GRIA1: variants seen among roughly 807,000 people sequenced by gnomAD.
GRIA1 encodes the protein glutamate receptor 1.
GRIA1 carries 31 observed loss-of-function variants against 99.2 expected under a neutral mutation model. The ratio of observed to expected loss-of-function variants is 0.31; its 90% CI spans 0.23 to 0.42. The LOEUF (loss-of-function observed/expected upper bound fraction) is 0.42, where lower values mean the gene tolerates loss of function less well. GRIA1 is among the 10% of genes least tolerant of loss of function. The probability of loss-of-function intolerance (pLI) is 1.00; values close to 1 mark genes in which losing one functional copy is unlikely to be tolerated. For missense variants in GRIA1, 782 were observed against 1,157.5 expected (o/e 0.68, Z 4.71); for synonymous variants, 438 against 432.4 (o/e 1.01, Z -0.16).
intron 8 of GRIA1, among the ~76,000 whole-genome samples, chr5:153,690,976 G>A (rs996769773): frequency 1.3e-5 from 2 of 152,160 alleles, no homozygotes; most frequent in African/African-American, 4.8e-5. Flanking sequence ...ACCTGATTGT[G>A]TATAGTAAAA....
intron 2 of GRIA1, among the ~76,000 whole-genome samples, chr5:153,618,704 A>G (rs1386524726): frequency 2.6e-5 from 4 of 152,202 alleles, no homozygotes; most frequent in Non-Finnish European, 1.5e-5. Flanking sequence ...TTAACTAGGA[A>G]CCAGTTATTC....
chr5:153,712,467 A>G (rs1320286241), intron 11 of GRIA1, among the ~76,000 whole-genome samples: 1 of 152,216 alleles, frequency 6.6e-6, no homozygotes, highest in Admixed American at 6.5e-5. Flanking sequence ...CATAGTAACC[A>G]GTATGCCTTT....
chr5:153,605,504 T>C (rs1394002532), intron 2 of GRIA1, among the ~76,000 whole-genome samples: 1 of 152,240 alleles, frequency 6.6e-6, no homozygotes, highest in Admixed American at 6.5e-5. Flanking sequence ...ATATTTTTTG[T>C]TGGATATAAA....
At chr5:153,740,533 T>C (rs750772130) in intron 11 of GRIA1, among the ~76,000 whole-genome samples, 18 of 152,224 alleles carry the variant, frequency 1.2e-4, no homozygotes, top group Non-Finnish European at 1.5e-4. Flanking sequence ...GGCCAACCAC[T>C]ATCTTTTCTG....
chr5:153,648,858 T>C (rs187110463), intron 3 of GRIA1, among the ~76,000 whole-genome samples: 1 of 150,406 alleles, frequency 6.6e-6, no homozygotes, highest in East Asian at 1.9e-4. Flanking sequence ...AAGATGTTCA[T>C]GTTGCAATCG....
chr5:153,700,376 ACT>A (rs967583726), intron 10 of GRIA1, among the ~76,000 whole-genome samples: 10 of 152,298 alleles, frequency 6.6e-5, no homozygotes, highest in African/African-American at 2.4e-4. Context: ...CAAGAGCGAA[ACT>A]CTGTCTCAAA....
intron 2 of GRIA1, among the ~76,000 whole-genome samples, chr5:153,629,632 G>A (rs1399543933): frequency 3.3e-5 from 5 of 152,214 alleles, no homozygotes; most frequent in Admixed American, 2.0e-4. Flanking sequence ...ATGCACACAC[G>A]CATTTATGCA....
intron 13 of GRIA1, among the ~76,000 whole-genome samples, chr5:153,773,477 G>A (rs1483622170): frequency 6.6e-6 from 1 of 152,164 alleles, no homozygotes; most frequent in Non-Finnish European, 1.5e-5. Flanking sequence ...TCACCACTCT[G>A]AAGGCAAAAG....
intron 2 of GRIA1, among the ~76,000 whole-genome samples, chr5:153,582,020 A>G (rs1355255461): frequency 6.6e-6 from 1 of 152,186 alleles, no homozygotes; most frequent in Non-Finnish European, 1.5e-5. Context: ...AACCTCCCAA[A>G]GTGCTGGGAT....
intron 2 of GRIA1, among the ~76,000 whole-genome samples, chr5:153,602,976 G>A (rs1364115251): frequency 1.3e-5 from 2 of 152,002 alleles, no homozygotes; most frequent in Non-Finnish European, 2.9e-5. Context: ...CTTATACCAT[G>A]GGTCCCAGGG....
intron 8 of GRIA1, among the ~76,000 whole-genome samples, chr5:153,687,002 C>A (rs528965141): frequency 4.6e-5 from 7 of 152,096 alleles, no homozygotes; most frequent in African/African-American, 1.2e-4. Flanking sequence ...CATCATTGAG[C>A]CTTCATACAT....
chr5:153,704,521 C>T (rs1192508362), intron 10 of GRIA1, among the ~76,000 whole-genome samples: 1 of 152,188 alleles, frequency 6.6e-6, no homozygotes, highest in Admixed American at 6.5e-5. Flanking sequence ...ATGAATATTT[C>T]TTGCAACCTT....
chr5:153,735,556 T>A (rs1761325789), intron 11 of GRIA1, among the ~76,000 whole-genome samples: 2 of 152,166 alleles, frequency 1.3e-5, no homozygotes, highest in Non-Finnish European at 1.5e-5. Flanking sequence ...TGTCTGCTTG[T>A]GGATTTCATT....
intron 2 of GRIA1, among the ~76,000 whole-genome samples, chr5:153,554,874 A>T (rs1251814712): frequency 6.6e-6 from 1 of 152,202 alleles, no homozygotes; most frequent in Admixed American, 6.5e-5. Context: ...TATGATATAA[A>T]GGTAAATGTC....
At chr5:153,724,214 A>G (rs1288403631) in intron 11 of GRIA1, among the ~76,000 whole-genome samples, 1 of 152,196 alleles carries the variant, frequency 6.6e-6, no homozygotes, top group Non-Finnish European at 1.5e-5. Flanking sequence ...ACTAACAAAC[A>G]GAAAGGACAT....
At position 153,543,413 on chromosome 5, in the gene GRIA1, A is replaced by G. The variant is rs116627824; in HGVS notation, c.220+49348A>G. Among the ~76,000 whole-genome samples, 269 of 152,336 alleles carry G rather than the reference A, an allele frequency of 1.8e-3. 4 individuals are homozygous for G. Among genetic ancestry groups the G allele is most frequent in the African/African-American group, 6.3e-3 (260 of 41,596 alleles). On this transcript the variant is annotated intron_variant, in intron 2 of 15. Coordinates refer to ENST00000285900, the MANE Select transcript of GRIA1 (RefSeq NM_000827.4). ...TTCATCCTTTTGACTTCTTTTAGATATGGCCAGTACTCCACATCTTTCAAG... is the reference window on the plus strand; with the variant it reads ...TTCATCCTTTTGACTTCTTTTAGATGTGGCCAGTACTCCACATCTTTCAAG...
chr5:153,694,542 T>C (rs1757969064), intron 8 of GRIA1, among the ~76,000 whole-genome samples: 1 of 152,236 alleles, frequency 6.6e-6, no homozygotes. Context: ...ACTGTGCTAA[T>C]TGTTTTACAT....
chr5:153,512,561 G>A (rs1371795632), intron 2 of GRIA1, among the ~76,000 whole-genome samples: 1 of 152,210 alleles, frequency 6.6e-6, no homozygotes, highest in African/African-American at 2.4e-5. Context: ...TAAGTGTGTG[G>A]ACTGGCTAGC....
rs867713355 is a variant in GRIA1, at chr5:153,609,708, G to A, written c.221-37220G>A. On this transcript the variant is annotated intron_variant, in intron 2 of 15. Coordinates refer to ENST00000285900, the MANE Select transcript of GRIA1 (RefSeq NM_000827.4). ...CCTTCCGAGTAGCTGGGATTACATG[G>A]CCCACCACCACACCCAGCTAATTTT... is the stretch of plus-strand genomic sequence containing the variant. Among the ~76,000 whole-genome samples, 7 of 151,376 alleles carry A rather than the reference G, an allele frequency of 4.6e-5. No homozygotes were observed. The Middle Eastern group carries it at 0.01, about 221-fold the overall frequency.
Sources: allele counts gnomAD v4.1 joint callset (sites outside exome capture counted in the v4.1 genomes callset), GRCh38; gene constraint gnomAD v4.1.1; transcripts MANE v1.5; gene names NCBI Gene and HGNC (gene_info 2026-07-23, HGNC 2026-07-21).